The following BACH2 variants were observed in gnomAD, a reference collection of about 807,000 sequenced individuals.
BACH2 encodes the protein transcription regulator protein BACH2.
A neutral mutation model predicts 61.8 loss-of-function variants in BACH2; 5 were observed. That is an observed-to-expected ratio of 0.08 (90% CI 0.04 to 0.17). The LOEUF is 0.17. BACH2 is among the 10% of genes least tolerant of loss of function. The pLI is 1.00. For missense variants in BACH2, 824 were observed against 1,091.1 expected (o/e 0.76, Z 3.45); for synonymous variants, 446 against 440.1 (o/e 1.01, Z -0.17).
intron 5 of BACH2, among the ~76,000 whole-genome samples, chr6:90,069,922 A>C (rs1446480313): frequency 6.6e-6 from 1 of 152,160 alleles, no homozygotes; most frequent in Non-Finnish European, 1.5e-5. Context: ...GGCAGGTAAA[A>C]GAGAACCTTC....
intron 1 of BACH2, among the ~76,000 whole-genome samples, chr6:90,283,774 G>A (rs1771933314): frequency 6.6e-6 from 1 of 151,942 alleles, no homozygotes; most frequent in Admixed American, 6.6e-5. Flanking sequence ...TAGGGAGGCT[G>A]AGGCAGGCAG....
At chr6:90,028,668 G>C (rs1778770958) in intron 5 of BACH2, among the ~76,000 whole-genome samples, 1 of 152,108 alleles carries the variant, frequency 6.6e-6, no homozygotes, top group African/African-American at 2.4e-5. Flanking sequence ...ACACAAACGT[G>C]GGAAACAGAA....
intron 1 of BACH2, among the ~76,000 whole-genome samples, chr6:90,289,992 T>C (rs1772131910): frequency 6.6e-6 from 1 of 152,266 alleles, no homozygotes; most frequent in African/African-American, 2.4e-5. Context: ...AACAGTACTC[T>C]TGGCAGTTAA....
At chr6:90,291,282 A>G (rs1772168593) in intron 1 of BACH2, among the ~76,000 whole-genome samples, 1 of 152,154 alleles carries the variant, frequency 6.6e-6, no homozygotes, top group Non-Finnish European at 1.5e-5. Flanking sequence ...ATTTTGGAAA[A>G]AAAATAGCTC....
At chr6:90,267,849 T>C (rs1771390532) in intron 2 of BACH2, among the ~76,000 whole-genome samples, 1 of 152,140 alleles carries the variant, frequency 6.6e-6, no homozygotes, top group South Asian at 2.1e-4. Context: ...TGTATGTATG[T>C]ATATGATGTA....
chr6:90,030,409 G>T (rs1778905083), intron 5 of BACH2, among the ~76,000 whole-genome samples: 1 of 152,010 alleles, frequency 6.6e-6, no homozygotes, highest in South Asian at 2.1e-4. Context: ...ATGAAAATCA[G>T]ACCAGCAGGG....
intron 1 of BACH2, among the ~76,000 whole-genome samples, chr6:90,284,479 A>G (rs536957270): frequency 6.6e-6 from 1 of 152,168 alleles, no homozygotes; most frequent in Non-Finnish European, 1.5e-5. Context: ...GCTGTGTAGG[A>G]GGGACGCAGC....
At chr6:90,089,603 T>C (rs1314430768) in intron 4 of BACH2, among the ~76,000 whole-genome samples, 4 of 152,178 alleles carry the variant, frequency 2.6e-5, no homozygotes, top group African/African-American at 7.2e-5. Flanking sequence ...AATATTTATT[T>C]TTTCAGATAA....
At chr6:90,100,267 A>G (rs1229264725) in intron 4 of BACH2, among the ~76,000 whole-genome samples, 1 of 152,226 alleles carries the variant, frequency 6.6e-6, no homozygotes, top group Non-Finnish European at 1.5e-5. Flanking sequence ...ATATTTGGAC[A>G]TGTTTTCAAT....
At chr6:90,030,144 G>C (rs1303760209) in intron 5 of BACH2, among the ~76,000 whole-genome samples, 1 of 152,174 alleles carries the variant, frequency 6.6e-6, no homozygotes, top group African/African-American at 2.4e-5. Flanking sequence ...TTGCTTCTAA[G>C]AGATGGCTCT....
chr6:89,992,789 G>A (rs1776649648), intron 6 of BACH2, among the ~76,000 whole-genome samples: 1 of 152,212 alleles, frequency 6.6e-6, no homozygotes, highest in African/African-American at 2.4e-5. Flanking sequence ...TGCACATGTT[G>A]TTTTGTATCT....
At chr6:90,025,601 T>C (rs541961312) in intron 5 of BACH2, among the ~76,000 whole-genome samples, 1 of 152,296 alleles carries the variant, frequency 6.6e-6, no homozygotes, top group East Asian at 1.9e-4. Flanking sequence ...AGTGTCCCCT[T>C]CCCTCCCCTT....
At chr6:90,011,195 T>C (rs1391445138) in intron 5 of BACH2, among the ~76,000 whole-genome samples, 6 of 152,200 alleles carry the variant, frequency 3.9e-5, no homozygotes, top group African/African-American at 1.4e-4. Flanking sequence ...TACATTTAGG[T>C]CTATGGCCCA....
intron 6 of BACH2, among the ~76,000 whole-genome samples, chr6:89,981,244 G>A (rs544180233): frequency 1.9e-4 from 29 of 151,200 alleles, no homozygotes; most frequent in Non-Finnish European, 4.0e-4. Flanking sequence ...TCATTCTCCT[G>A]TCTCAGCCTC....
At chr6:90,216,953 C>T (rs960934593) in intron 3 of BACH2, among the ~76,000 whole-genome samples, 6 of 152,024 alleles carry the variant, frequency 3.9e-5, no homozygotes, top group African/African-American at 7.2e-5. Flanking sequence ...GAAATCCTGA[C>T]GGGGAGGGAA....
intron 4 of BACH2, among the ~76,000 whole-genome samples, chr6:90,103,277 T>TGGGAGCAGAGAGAGCC (rs1782756789): frequency 6.6e-6 from 1 of 151,662 alleles, no homozygotes; most frequent in Non-Finnish European, 1.5e-5. Flanking sequence ...TGGGGAGGTG[T>TGGGAGCAGAGAGAGCC]GGGAGCAGAG....
At chr6:90,044,734 G>C (rs1779701588) in intron 5 of BACH2, among the ~76,000 whole-genome samples, 1 of 152,184 alleles carries the variant, frequency 6.6e-6, no homozygotes, top group Admixed American at 6.5e-5. Context: ...TAGTGGATTG[G>C]ATGTGGGGTG....
intron 5 of BACH2, among the ~76,000 whole-genome samples, chr6:90,053,146 T>C (rs1346487533): frequency 1.3e-5 from 2 of 152,192 alleles, no homozygotes; most frequent in East Asian, 3.8e-4. Context: ...TCCTCATATA[T>C]AGGGAGTTTT....
At chr6:90,057,814 T>C (rs1226072878) in intron 5 of BACH2, among the ~76,000 whole-genome samples, 3 of 152,156 alleles carry the variant, frequency 2.0e-5, no homozygotes, top group African/African-American at 7.2e-5. Flanking sequence ...GCAAGGCTGG[T>C]TCAACATACA....
Sources: allele counts gnomAD v4.1 joint callset (sites outside exome capture counted in the v4.1 genomes callset), GRCh38; gene constraint gnomAD v4.1.1; transcripts MANE v1.5; gene names NCBI Gene and HGNC (gene_info 2026-07-23, HGNC 2026-07-21).